The following FHL5 variants were observed in gnomAD, a reference collection of about 807,000 sequenced individuals.
FHL5 encodes the protein four and a half LIM domains protein 5.
A neutral mutation model predicts 32.0 loss-of-function variants in FHL5; 33 were observed. That is an observed-to-expected ratio of 1.03 (90% CI 0.78 to 1.38). The LOEUF is 1.38. Ranked by LOEUF, FHL5 falls within the 40% of genes most tolerant of loss-of-function variation. The pLI is 0.00. For synonymous variants in FHL5, 114 were observed against 113.6 expected, an observed-to-expected ratio of 1.00 and a Z score of -0.02; for missense variants, 336 against 343.9, an observed-to-expected ratio of 0.98 and a Z score of 0.18.
chr6:96,585,139 A>C (rs933539878), intron 1 of FHL5, among the ~76,000 whole-genome samples: 1 of 152,226 alleles, frequency 6.6e-6, no homozygotes, highest in Admixed American at 6.5e-5. Flanking sequence ...ATTGTAGATT[A>C]AACCTAGATT....
At chr6:96,572,586 T>C (rs959974860) in intron 1 of FHL5, among the ~76,000 whole-genome samples, 1 of 152,168 alleles carries the variant, frequency 6.6e-6, no homozygotes, top group Admixed American at 6.5e-5. Context: ...TGTTCCAAGA[T>C]GCCATAGCCA....
chr6:96,575,443 T>C (rs1342188210), intron 1 of FHL5, among the ~76,000 whole-genome samples: 1 of 152,198 alleles, frequency 6.6e-6, no homozygotes, highest in Non-Finnish European at 1.5e-5. Flanking sequence ...CAGCCTGAAC[T>C]GAGCTTCTTC....
chr6:96,588,757 C>T (rs1770853288), intron 1 of FHL5, among the ~76,000 whole-genome samples: 1 of 151,860 alleles, frequency 6.6e-6, no homozygotes, highest in African/African-American at 2.4e-5. Flanking sequence ...TATTGATTCA[C>T]AGGAATGTTT....
rs190307862 is a variant in FHL5 at position 96,618,443 on chromosome 6, G to C, written c.*2671G>C. On this transcript the variant is annotated 3_prime_UTR_variant, in exon 6 of 6. Coordinates refer to ENST00000450218, the MANE Select transcript of FHL5 (RefSeq NM_001322466.2). ...AGAATATTAACTCTTAGGATAAAAAGTGACATAACCGGCCATAGAAAGTTA... is the reference window on the plus strand; with the variant it reads ...AGAATATTAACTCTTAGGATAAAAACTGACATAACCGGCCATAGAAAGTTA... 7.0e-4 allele frequency among the ~76,000 whole-genome samples: 107 copies of C among 152,338 alleles called. No homozygotes were observed. Among genetic ancestry groups the C allele is most frequent in the Middle Eastern group, 3.4e-3 (1 of 294 alleles).
At chr6:96,608,174 TA>T (rs1771324365) in intron 4 of FHL5, among the ~76,000 whole-genome samples, 1 of 152,176 alleles carries the variant, frequency 6.6e-6, no homozygotes, top group South Asian at 2.1e-4. Flanking sequence ...TCAGACACAA[TA>T]ATGAAGACTC....
chr6:96,583,574 C>T (rs1770737400), intron 1 of FHL5, among the ~76,000 whole-genome samples: 1 of 152,092 alleles, frequency 6.6e-6, no homozygotes, highest in Admixed American at 6.6e-5. Flanking sequence ...AGTATCTGAT[C>T]GAACAGTTTA....
chr6:96,571,844 A>G (rs1770485175), intron 1 of FHL5, among the ~76,000 whole-genome samples: 2 of 152,120 alleles, frequency 1.3e-5, no homozygotes, highest in Admixed American at 1.3e-4. Flanking sequence ...TAGTGATTGT[A>G]GACCCTGGGA....
At chr6:96,599,291 G>A (rs1771101176) in intron 1 of FHL5, among the ~76,000 whole-genome samples, 1 of 150,014 alleles carries the variant, frequency 6.7e-6, no homozygotes, top group Non-Finnish European at 1.5e-5. Flanking sequence ...CACCTCCTGG[G>A]TTCAAGTGAT....
In FHL5 at chr6:96,616,591, T is replaced by C. The variant is rs1258934918; in HGVS notation, c.*819T>C. 1 of 152,210 alleles carries C rather than the reference T, an allele frequency of 6.6e-6. No homozygotes were observed. The highest frequency in any genetic ancestry group is 2.4e-5 in the African/African-American group (1 of 41,444). The allele number at this position is 152,210 out of a possible 1,614,324, so 9.4% of individuals were successfully genotyped here. A position where few individuals can be genotyped will look rare whatever the true frequency, so the allele number is the denominator to read the frequency against. ...CAAGTGGAGCTAACCAGGATAATCT[T>C]TGTCCCCAAAGGCAAACCTTTAAAA... On this transcript the variant is annotated 3_prime_UTR_variant, in exon 6 of 6. Transcript: ENST00000450218.
intron 2 of FHL5, 97 bp downstream of exon 2, chr6:96,603,869 T>A: frequency 2.2e-6 from 2 of 927,418 alleles, no homozygotes; most frequent in Non-Finnish European, 3.3e-6. Flanking sequence ...TCAACACTAT[T>A]TCTCTGCTAC....
At chr6:96,599,852 CATAA>C (rs1443641939) in intron 1 of FHL5, among the ~76,000 whole-genome samples, 11 of 152,180 alleles carry the variant, frequency 7.2e-5, no homozygotes, top group Non-Finnish European at 1.6e-4. Flanking sequence ...TCTTACAGCT[CATAA>C]ATAAGAACAG....
At chr6:96,606,818 G>A (rs906979377) in intron 4 of FHL5, among the ~76,000 whole-genome samples, 8 of 152,146 alleles carry the variant, frequency 5.3e-5, no homozygotes, top group Non-Finnish European at 1.0e-4. Flanking sequence ...AGTTAAACAG[G>A]ATGTTTAACT....
rs551702651 is a variant in FHL5, at chr6:96,618,599, G to T, written c.*2827G>T. Among the ~76,000 whole-genome samples, 1 of 152,330 alleles carries T rather than the reference G, an allele frequency of 6.6e-6. No homozygotes were observed. Among genetic ancestry groups the T allele is most frequent in the African/African-American group, 2.4e-5 (1 of 41,574 alleles). On this transcript the variant is annotated 3_prime_UTR_variant, in exon 6 of 6. Coordinates refer to ENST00000450218, the MANE Select transcript of FHL5 (RefSeq NM_001322466.2). Reference sequence around the variant, plus strand: ...ATTAAGTTTCTTACTGAAGGAATAAGTTTGGTTAATGGCTACAAAAGTGAA... The same window carrying T: ...ATTAAGTTTCTTACTGAAGGAATAATTTTGGTTAATGGCTACAAAAGTGAA...
chr6:96,594,226 T>TA (rs1770981418), intron 1 of FHL5, among the ~76,000 whole-genome samples: 1 of 90,972 alleles, frequency 1.1e-5, no homozygotes, highest in Admixed American at 1.3e-4. Context: ...AATATTAGAA[T>TA]TTATATATAT....
Position 96,615,732 on chromosome 6 carries a change from T to A in FHL5, c.815T>A (p.Phe272Tyr). Residue 272 changes from phenylalanine to tyrosine, a missense_variant, in exon 6 of 6, where the codon TTC (phenylalanine) becomes TAC (tyrosine). Phe to Tyr is a conservative substitution (Grantham distance 22, BLOSUM62 3). Coordinates refer to ENST00000450218, the MANE Select transcript of FHL5 (RefSeq NM_001322466.2). Reference sequence around the variant, plus strand: ...TTCCTGACCCAGAACAAGGAAATCTTCTGCCAAAAATGTGGCTCCGGAATG... The same window carrying A: ...TTCCTGACCCAGAACAAGGAAATCTACTGCCAAAAATGTGGCTCCGGAATG... ...KGFLTQNKEI[F>Y]CQKCGSGMDT... 1 of 1,611,806 alleles carries A rather than the reference T, an allele frequency of 6.2e-7. No homozygotes were observed. Among genetic ancestry groups the A allele is most frequent in the Non-Finnish European group, 8.5e-7 (1 of 1,179,074 alleles).
intron 1 of FHL5, among the ~76,000 whole-genome samples, chr6:96,570,473 T>C (rs1770452665): frequency 6.6e-6 from 1 of 152,156 alleles, no homozygotes; most frequent in Non-Finnish European, 1.5e-5. Context: ...TTGAATCTAT[T>C]TGGGGAATTT....
At position 96,591,150 on chromosome 6, in the gene FHL5, C is replaced by A. The variant is rs990011052; in HGVS notation, c.-12-12452C>A. On this transcript the variant is annotated intron_variant, in intron 1 of 5. Coordinates refer to ENST00000450218, the MANE Select transcript of FHL5 (RefSeq NM_001322466.2). ...ACTTGATTTGGTTTGTGTGAGATTG[C>A]TGTTATTTCTTCTTTAAAGCTTGGC... 3.0e-4 allele frequency among the ~76,000 whole-genome samples: 45 copies of A among 152,072 alleles called. 1 individual carries two copies. The highest frequency in any genetic ancestry group is 2.7e-3 in the Admixed American group (41 of 15,248).
intron 1 of FHL5, among the ~76,000 whole-genome samples, chr6:96,580,725 T>C (rs910058377): frequency 6.6e-6 from 1 of 152,176 alleles, no homozygotes; most frequent in East Asian, 1.9e-4. Flanking sequence ...CAGAAAAGAA[T>C]TATGTGATTG....
At chr6:96,584,061 A>T (rs2127963998) in intron 1 of FHL5, among the ~76,000 whole-genome samples, 1 of 152,302 alleles carries the variant, frequency 6.6e-6, no homozygotes, top group East Asian at 1.9e-4. Context: ...AGATCATGCT[A>T]CGCCTCCTGA....
Sources: allele counts gnomAD v4.1 joint callset (sites outside exome capture counted in the v4.1 genomes callset), GRCh38; gene constraint gnomAD v4.1.1; transcripts MANE v1.5; gene names NCBI Gene and HGNC (gene_info 2026-07-23, HGNC 2026-07-21).